Variants in SNX29 observed in about 807,000 individuals in gnomAD.
SNX29 encodes the protein sorting nexin 29.
Under a neutral mutation model 102.1 loss-of-function variants are expected in SNX29, and 78 were observed. That is an observed-to-expected ratio of 0.76 (90% CI 0.64 to 0.92). The LOEUF (loss-of-function observed/expected upper bound fraction) is 0.92. SNX29 is among the 40% of genes least tolerant of loss of function. The pLI is 0.00. For missense variants in SNX29, 1,280 were observed against 1,061.7 expected, an observed-to-expected ratio of 1.21 and a Z score of -2.86; for synonymous variants, 580 against 414.5, an observed-to-expected ratio of 1.40 and a Z score of -4.85.
intron 13 of SNX29, among the ~76,000 whole-genome samples, chr16:12,157,845 G>A (rs1181518711): frequency 6.6e-6 from 1 of 152,160 alleles, no homozygotes; most frequent in Non-Finnish European, 1.5e-5. Context: ...GCCTTTGCAT[G>A]TGCTTGTCTC....
chr16:12,138,332 T>A (rs1009104629), intron 13 of SNX29, among the ~76,000 whole-genome samples: 4 of 151,344 alleles, frequency 2.6e-5, no homozygotes, highest in African/African-American at 9.7e-5. Context: ...CTCAGCCTCC[T>A]GAGGAGCTGG....
intron 19 of SNX29, among the ~76,000 whole-genome samples, chr16:12,480,134 G>C (rs1440081977): frequency 6.6e-6 from 1 of 152,182 alleles, no homozygotes; most frequent in Non-Finnish European, 1.5e-5. Flanking sequence ...AACACTTGCT[G>C]TGTTAGTTTC....
chr16:12,013,015 A>C (rs1220199580), intron 3 of SNX29, among the ~76,000 whole-genome samples: 2 of 132,864 alleles, frequency 1.5e-5, no homozygotes, highest in Admixed American at 7.6e-5. Flanking sequence ...GGGTGGGTGG[A>C]GGAGTGGAGG....
intron 16 of SNX29, among the ~76,000 whole-genome samples, chr16:12,386,713 C>T (rs1246557472): frequency 6.6e-6 from 1 of 152,128 alleles, no homozygotes; most frequent in Non-Finnish European, 1.5e-5. Flanking sequence ...ATGAATCTTT[C>T]CTGAACAGTT....
chr16:12,563,832 G>C lies in SNX29; in HGVS notation c.2319-4674G>C, dbSNP rs72775223. ...TTGCTGCTTTTTATTTATTCAGGCT[G>C]CCTGTAAATATCCCTGCTGAATAGC... On this transcript the variant is annotated intron_variant, in intron 20 of 20. Coordinates refer to ENST00000566228, the MANE Select transcript of SNX29 (RefSeq NM_032167.5). 6.6e-5 allele frequency among the ~76,000 whole-genome samples: 10 copies of C among 152,268 alleles called. No homozygotes were observed. The East Asian group carries it at 1.9e-3, about 29-fold the overall frequency.
chr16:12,334,679 A>G (rs2081394566), intron 15 of SNX29, among the ~76,000 whole-genome samples: 1 of 152,158 alleles, frequency 6.6e-6, no homozygotes, highest in African/African-American at 2.4e-5. Flanking sequence ...GCCATTTCCC[A>G]TAAAGCTCAC....
intron 20 of SNX29, among the ~76,000 whole-genome samples, chr16:12,565,008 T>G (rs2078936080): frequency 6.6e-6 from 1 of 151,980 alleles, no homozygotes; most frequent in Admixed American, 6.5e-5. Context: ...ATGTCTCTAC[T>G]GTTGGACGCC....
chr16:12,496,811 A>T (rs559382006), intron 19 of SNX29, among the ~76,000 whole-genome samples: 1 of 152,270 alleles, frequency 6.6e-6, no homozygotes, highest in East Asian at 1.9e-4. Context: ...TTCGGGGAAG[A>T]CATTTTGGAG....
intron 16 of SNX29, among the ~76,000 whole-genome samples, chr16:12,383,556 C>T (rs1361564091): frequency 2.0e-5 from 3 of 152,018 alleles, no homozygotes; most frequent in Non-Finnish European, 4.4e-5. Flanking sequence ...TCTGCCTCAG[C>T]CTCCCGAGTA....
At chr16:12,316,626 T>A (rs2080754343) in intron 15 of SNX29, among the ~76,000 whole-genome samples, 1 of 152,206 alleles carries the variant, frequency 6.6e-6, no homozygotes. Context: ...CCACTCCTTC[T>A]GTGCCCCCCA....
intron 19 of SNX29, among the ~76,000 whole-genome samples, chr16:12,486,455 T>C (rs1316081201): frequency 6.6e-6 from 1 of 152,190 alleles, no homozygotes; most frequent in Non-Finnish European, 1.5e-5. Context: ...TTGTCCTGGG[T>C]AGACAACTCT....
At chr16:12,207,107 G>A (rs779622067) in intron 14 of SNX29, among the ~76,000 whole-genome samples, 4 of 152,068 alleles carry the variant, frequency 2.6e-5, no homozygotes, top group Non-Finnish European at 5.9e-5. Context: ...GGTTGCTCAC[G>A]CCTGTAATCC....
At chr16:12,285,309 T>G (rs1339341908) in intron 15 of SNX29, among the ~76,000 whole-genome samples, 1 of 152,192 alleles carries the variant, frequency 6.6e-6, no homozygotes, top group Non-Finnish European at 1.5e-5. Context: ...TATCTTCTGC[T>G]TCAATATTGC....
chr16:12,396,909 C>G (rs1012572976), intron 16 of SNX29, among the ~76,000 whole-genome samples: 1 of 152,140 alleles, frequency 6.6e-6, no homozygotes, highest in Non-Finnish European at 1.5e-5. Context: ...ATTCTCTTAA[C>G]TTTCTTTATT....
chr16:12,327,952 A>G (rs556174330), intron 15 of SNX29, among the ~76,000 whole-genome samples: 1 of 152,114 alleles, frequency 6.6e-6, no homozygotes, highest in African/African-American at 2.4e-5. Context: ...CTCCGTGTGG[A>G]GTTGAACCCC....
At chr16:12,544,423 G>A (rs2077490950) in intron 20 of SNX29, among the ~76,000 whole-genome samples, 1 of 152,180 alleles carries the variant, frequency 6.6e-6, no homozygotes, top group Non-Finnish European at 1.5e-5. Context: ...TCAGCTGGTG[G>A]GATTTGGACG....
chr16:12,461,812 C>T (rs999221907), intron 18 of SNX29, among the ~76,000 whole-genome samples: 7 of 150,228 alleles, frequency 4.7e-5, no homozygotes, highest in Non-Finnish European at 7.4e-5. Flanking sequence ...CAAAATTAGC[C>T]GGGCATGGTG....
At position 12,571,894 on chromosome 16, in the gene SNX29, C is replaced by T. The variant is rs904681160; in HGVS notation, c.*3265C>T. ...TAGAGTTTGGAGCTGAGGTTCAAAGCCCCCTGCATTTCTCTACTGGCAGGC... is the reference window on the plus strand; with the variant it reads ...TAGAGTTTGGAGCTGAGGTTCAAAGTCCCCTGCATTTCTCTACTGGCAGGC... On this transcript the variant is annotated 3_prime_UTR_variant, in exon 21 of 21. Coordinates refer to ENST00000566228, the MANE Select transcript of SNX29 (RefSeq NM_032167.5). 15 of 1,061,654 alleles carry T rather than the reference C, an allele frequency of 1.4e-5. No individual in the cohort carries two copies. Among genetic ancestry groups the T allele is most frequent in the Admixed American group, 5.4e-5 (1 of 18,566 alleles). The allele number at this position is 1,061,654 out of a possible 1,614,324, so 65.8% of individuals were successfully genotyped here.
chr16:12,132,728 C>T (rs1240546766), intron 13 of SNX29, among the ~76,000 whole-genome samples: 1 of 152,110 alleles, frequency 6.6e-6, no homozygotes, highest in Non-Finnish European at 1.5e-5. Context: ...TTTTATAATC[C>T]CTATTTAAGC....
Sources: allele counts gnomAD v4.1 joint callset (sites outside exome capture counted in the v4.1 genomes callset), GRCh38; gene constraint gnomAD v4.1.1; transcripts MANE v1.5; gene names NCBI Gene and HGNC (gene_info 2026-07-23, HGNC 2026-07-21).